ZNF469: variants seen among roughly 807,000 people sequenced by gnomAD.
The protein encoded by ZNF469 is zinc finger protein 469.
A neutral mutation model predicts 1.0 loss-of-function variants in ZNF469; 1 was observed. That is an observed-to-expected ratio of 1.00 (90% CI 0.35 to 4.73). The LOEUF is 4.73. ZNF469 is among the 30% of genes most tolerant of loss of function. The pLI, the probability that ZNF469 is intolerant of heterozygous loss-of-function variation, is 0.16. For missense variants in ZNF469, 6,100 were observed against 5,356.3 expected (o/e 1.14, Z -4.33); for synonymous variants, 2,703 against 2,363.4 (o/e 1.14, Z -4.17).
the ZNF469 span, among the ~76,000 whole-genome samples, chr16:88,239,093 C>G: frequency 6.6e-6 from 1 of 152,090 alleles, no homozygotes; most frequent in African/African-American, 2.4e-5. Context: ...CTGGTAATGG[C>G]TGTCTGGAGT....
At position 88,430,004 on chromosome 16, in the gene ZNF469, C is replaced by T. The variant is rs954465163; in HGVS notation, c.2534C>T (p.Thr845Ile). 1.8e-5 allele frequency: 28 copies of T among 1,550,252 alleles called. No homozygotes were observed. Among genetic ancestry groups the T allele is most frequent in the African/African-American group, 4.1e-5 (3 of 73,054 alleles). The change falls in exon 3 of 3, where the codon ACA (threonine) becomes ATA (isoleucine). Residue 845 changes from threonine (T) to isoleucine (I), a missense_variant. Thr to Ile is a moderately conservative substitution (Grantham distance 89). Coordinates refer to ENST00000565624, the MANE Select transcript of ZNF469 (RefSeq NM_001367624.2). ...EDDAKLDSLI[T>I]EALNGMEYQS... ...GACGCCAAGCTGGACAGCCTCATCACAGAGGCGCTCAACGGCATGGAGTAC... is the reference window on the plus strand; with the variant it reads ...GACGCCAAGCTGGACAGCCTCATCATAGAGGCGCTCAACGGCATGGAGTAC...
chr16:88,208,366 G>T, the ZNF469 span, among the ~76,000 whole-genome samples: 13 of 151,186 alleles, frequency 8.6e-5, no homozygotes, highest in Non-Finnish European at 1.9e-4. Context: ...CATGGCAAAA[G>T]GTATCCAGAA....
At chr16:88,381,058 TCTCACACACAGGCATGCA>T (rs1567495821), upstream of ZNF469, among the ~76,000 whole-genome samples, 1 of 59,866 alleles carries the variant, frequency 1.7e-5, no homozygotes, top group Non-Finnish European at 3.5e-5. Flanking sequence ...ACAGACACGC[TCTCACACACAGGCATGCA>T]CTCACACACG....
chr16:88,238,708 T>C, the ZNF469 span, among the ~76,000 whole-genome samples: 1 of 152,166 alleles, frequency 6.6e-6, no homozygotes, highest in Non-Finnish European at 1.5e-5. Context: ...CTTAAAACCA[T>C]GGAGATCCCA....
the ZNF469 span, among the ~76,000 whole-genome samples, chr16:88,252,463 A>T: frequency 4.7e-5 from 7 of 150,174 alleles, no homozygotes; most frequent in African/African-American, 9.8e-5. Flanking sequence ...TAACACTTCC[A>T]TTTGCAGTTG....
At chr16:88,147,439 G>C in the ZNF469 span, among the ~76,000 whole-genome samples, 3 of 152,056 alleles carry the variant, frequency 2.0e-5, no homozygotes, top group Non-Finnish European at 4.4e-5. Context: ...CTCTCGGGTG[G>C]GGAGCACCGA....
the ZNF469 span, among the ~76,000 whole-genome samples, chr16:88,197,269 G>A: frequency 3.3e-5 from 5 of 152,164 alleles, no homozygotes; most frequent in Non-Finnish European, 7.3e-5. Flanking sequence ...CCAGTGGCAC[G>A]GACCATGGCT....
rs1032323906 is a variant in ZNF469, at chr16:88,431,391, C to T, written c.3921C>T (p.Gly1307=). 8 of 1,550,056 alleles carry T rather than the reference C, an allele frequency of 5.2e-6. No individual in the cohort carries two copies. The highest frequency in any genetic ancestry group is 7.0e-6 in the Non-Finnish European group (8 of 1,146,976). Residue 1307 remains glycine, a synonymous_variant, in exon 3 of 3, where the codon GGC becomes GGT. Coordinates refer to ENST00000565624, the MANE Select transcript of ZNF469 (RefSeq NM_001367624.2). ...GVGSLLGGPG[G]TQAPVSHNSK... Reference sequence around the variant, plus strand: ...GCAGCCTGCTGGGTGGTCCTGGGGGCACACAGGCCCCAGTCTCCCACAACA... The same window carrying T: ...GCAGCCTGCTGGGTGGTCCTGGGGGTACACAGGCCCCAGTCTCCCACAACA...
the ZNF469 span, among the ~76,000 whole-genome samples, chr16:88,245,972 G>A: frequency 6.6e-6 from 1 of 152,284 alleles, no homozygotes; most frequent in Non-Finnish European, 1.5e-5. Flanking sequence ...GGTTGCTTTG[G>A]CTCATCCAAC....
chr16:88,137,596 A>G, the ZNF469 span, among the ~76,000 whole-genome samples: 1 of 152,146 alleles, frequency 6.6e-6, no homozygotes, highest in Non-Finnish European at 1.5e-5. Flanking sequence ...ACAACTGTGC[A>G]TGAATACAGC....
chr16:88,368,137 A>G, the ZNF469 span, among the ~76,000 whole-genome samples: 5 of 152,276 alleles, frequency 3.3e-5, no homozygotes, highest in Admixed American at 2.6e-4. Context: ...CTGCTCCCTC[A>G]GCTGACACTG....
chr16:88,436,521 C>T lies in ZNF469; in HGVS notation c.9051C>T (p.Ser3017=), dbSNP rs1423606232. 1.9e-6 allele frequency: 3 copies of T among 1,548,846 alleles called. No homozygotes were observed. Among genetic ancestry groups the T allele is most frequent in the Non-Finnish European group, 8.7e-7 (1 of 1,146,924 alleles). ...DDSSSSLGDV[S]PEPPSLERER... ...CCTCCTCTTCTCTCGGAGATGTGAG[C>T]CCCGAGCCCCCCAGCCTGGAGAGAG... Residue 3017 remains serine (S), a synonymous_variant, in exon 3 of 3, where the codon AGC becomes AGT. Coordinates refer to ENST00000565624, the MANE Select transcript of ZNF469 (RefSeq NM_001367624.2).
chr16:88,112,898 C>T, the ZNF469 span, among the ~76,000 whole-genome samples: 4 of 151,198 alleles, frequency 2.6e-5, no homozygotes, highest in Non-Finnish European at 5.9e-5. Context: ...CTGCCTCGGC[C>T]TCCCCAGTAG....
rs568379728 is a variant in ZNF469, at chr16:88,435,730, G to A, written c.8260G>A (p.Gly2754Arg). 63 of 1,550,870 alleles carry A rather than the reference G, an allele frequency of 4.1e-5. No homozygotes were observed. The highest frequency in any genetic ancestry group is 3.3e-4 in the Middle Eastern group (2 of 5,992). ...PTGQKGASAR[G>R]FWGPRETKAL... ...TGGGCAGAAGGGAGCCTCGGCAAGG[G>A]GGTTCTGGGGACCAAGAGAGACCAA... Residue 2754 changes from glycine (G) to arginine (R), a missense_variant, in exon 3 of 3, where the codon GGG (glycine) becomes AGG (arginine). By Grantham distance (125) the Gly-to-Arg change is moderately radical. Coordinates refer to ENST00000565624, the MANE Select transcript of ZNF469 (RefSeq NM_001367624.2).
chr16:88,416,116 G>A (rs980497630), intron 1 of ZNF469, among the ~76,000 whole-genome samples: 2 of 152,202 alleles, frequency 1.3e-5, no homozygotes, highest in African/African-American at 4.8e-5. Context: ...GCCACCAGGC[G>A]TCGCAGAAAC....
At chr16:88,418,203 G>C (rs1905355238) in intron 1 of ZNF469, among the ~76,000 whole-genome samples, 1 of 152,250 alleles carries the variant, frequency 6.6e-6, no homozygotes, top group Non-Finnish European at 1.5e-5. Context: ...ACAGGGGACA[G>C]TACAGCAGCA....
the ZNF469 span, among the ~76,000 whole-genome samples, chr16:88,251,536 G>GTGTTTTTTTT: frequency 4.4e-3 from 345 of 78,792 alleles, 50 homozygotes; most frequent in Non-Finnish European, 6.3e-3. Flanking sequence ...TGTCCCTGCT[G>GTGTTTTTTTT]TCTTTTTTTT....
At chr16:88,361,434 T>C in the ZNF469 span, among the ~76,000 whole-genome samples, 6 of 152,306 alleles carry the variant, frequency 3.9e-5, no homozygotes, top group Non-Finnish European at 5.9e-5. Context: ...GATGGAAAAA[T>C]GAAAACACCA....
the ZNF469 span, among the ~76,000 whole-genome samples, chr16:88,362,025 T>C: frequency 1.3e-5 from 2 of 152,380 alleles, no homozygotes; most frequent in African/African-American, 4.8e-5. Flanking sequence ...TTGACTGCTG[T>C]TGCAGTCCCT....
Sources: gnomAD v4.1 joint callset for allele counts (sites outside exome capture counted in the v4.1 genomes callset) on GRCh38, gnomAD v4.1.1 for gene constraint, MANE v1.5 for transcripts, NCBI Gene and HGNC (gene_info 2026-07-23, HGNC 2026-07-21) for gene names.